Variants in ME2 observed in about 807,000 individuals in gnomAD.
ME2 encodes the protein malic enzyme 2.
A neutral mutation model predicts 73.7 loss-of-function variants in ME2; 60 were observed. That is an observed-to-expected ratio of 0.81 (90% CI 0.66 to 1.01). The LOEUF (loss-of-function observed/expected upper bound fraction) is 1.01. Ranked by LOEUF, ME2 falls within the 50% of genes least tolerant of loss-of-function variation. The probability of loss-of-function intolerance (pLI) is 0.00; values close to 1 mark genes in which losing one functional copy is unlikely to be tolerated. For missense variants in ME2, 594 were observed against 705.5 expected (o/e 0.84, Z 1.79); for synonymous variants, 199 against 236.9 (o/e 0.84, Z 1.47).
At chr18:50,946,877 A>C in intron 15 of ME2, 140 bp from the exon 16 acceptor site, 1 of 680,602 alleles carries the variant, frequency 1.5e-6, no homozygotes, top group East Asian at 2.6e-5. Context: ...TTTTGAAAGG[A>C]GTCAAAGCAA....
chr18:50,920,788 G>A, intron 9 of ME2, 30 bp downstream of exon 9: 1 of 1,483,740 alleles, frequency 6.7e-7, no homozygotes, highest in Non-Finnish European at 9.3e-7. Flanking sequence ...TGAAACTTAA[G>A]CCTATCCTCT....
intron 15 of ME2, among the ~76,000 whole-genome samples, chr18:50,942,372 A>G (rs1382996336): frequency 6.6e-5 from 10 of 152,150 alleles, no homozygotes; most frequent in Non-Finnish European, 1.5e-5. Flanking sequence ...TGTAACATTT[A>G]GTACTTTATC....
intron 3 of ME2, among the ~76,000 whole-genome samples, chr18:50,910,268 CAAA>C (rs74176794): frequency 8.5e-5 from 3 of 35,276 alleles, no homozygotes; most frequent in East Asian, 1.0e-3. Flanking sequence ...CCTGTTTCTA[CAAA>C]AAAAAAAAAA....
At chr18:50,902,182 A>G (rs982852778) in intron 2 of ME2, among the ~76,000 whole-genome samples, 1 of 152,166 alleles carries the variant, frequency 6.6e-6, no homozygotes, top group Non-Finnish European at 1.5e-5. Context: ...TAACTCCTTT[A>G]TTTTGTAGAT....
intron 1 of ME2, among the ~76,000 whole-genome samples, chr18:50,882,336 C>G (rs537208863): frequency 1.3e-5 from 2 of 152,198 alleles, no homozygotes; most frequent in Non-Finnish European, 2.9e-5. Context: ...CCTTTGACCA[C>G]TCTGCTAGAC....
chr18:50,926,080 C>T (rs1384603484), intron 12 of ME2, among the ~76,000 whole-genome samples, 182 bp downstream of exon 12: 1 of 152,092 alleles, frequency 6.6e-6, no homozygotes, highest in Non-Finnish European at 1.5e-5. Flanking sequence ...CTTTATAACT[C>T]CACTGTAATG....
At chr18:50,901,064 T>C (rs1208564735) in intron 2 of ME2, among the ~76,000 whole-genome samples, 2 of 152,208 alleles carry the variant, frequency 1.3e-5, no homozygotes, top group Non-Finnish European at 2.9e-5. Flanking sequence ...ATGTGAATAA[T>C]TGTGGATTTG....
At chr18:50,880,050 C>A (rs1042915370) in intron 1 of ME2, among the ~76,000 whole-genome samples, 1 of 152,208 alleles carries the variant, frequency 6.6e-6, no homozygotes, top group South Asian at 2.1e-4. Flanking sequence ...TGTGGATTTA[C>A]CTTCCTGATG....
chr18:50,916,164 G>A lies in ME2; in HGVS notation c.393-4G>A, dbSNP rs1330789217. 6 of 1,604,434 alleles carry A rather than the reference G, an allele frequency of 3.7e-6. No homozygotes were observed. Among genetic ancestry groups the A allele is most frequent in the Non-Finnish European group, 5.1e-6 (6 of 1,175,320 alleles). On this transcript the variant is annotated splice_polypyrimidine_tract_variant and splice_region_variant and intron_variant, in intron 4 of 15. Coordinates refer to ENST00000321341, the MANE Select transcript of ME2 (RefSeq NM_002396.5). ...AATGCAAAGGTGTTTTTGTTCTGTT[G>A]CAGGGGATTATTTATTTCGATCTCA...
rs1918108833 is a variant in ME2, at chr18:50,947,316, T to C, written c.*132T>C. On this transcript the variant is annotated 3_prime_UTR_variant, in exon 16 of 16. Transcript: ENST00000321341. ...TGACCACTTTGGTTGATGTATTTTT[T>C]CCATGCGTCTCCACATCTGTTGGGG... is the stretch of plus-strand genomic sequence containing the variant. 1 of 796,122 alleles carries C rather than the reference T, an allele frequency of 1.3e-6. No homozygotes were observed. Among genetic ancestry groups the C allele is most frequent in the African/African-American group, 1.7e-5 (1 of 57,622 alleles). The allele number at this position is 796,122 out of a possible 1,614,324, so 49.3% of individuals were successfully genotyped here.
chr18:50,914,196 T>C (rs1435267537), intron 4 of ME2, among the ~76,000 whole-genome samples: 1 of 152,222 alleles, frequency 6.6e-6, no homozygotes, highest in Non-Finnish European at 1.5e-5. Context: ...GTGTTGCAGG[T>C]GTTCCCTGGA....
chr18:50,885,571 TG>T (rs1486700442), intron 1 of ME2, among the ~76,000 whole-genome samples: 1 of 152,060 alleles, frequency 6.6e-6, no homozygotes, highest in Non-Finnish European at 1.5e-5. Context: ...AAAATTTAAA[TG>T]GTTTTTTTTC....
intron 2 of ME2, among the ~76,000 whole-genome samples, chr18:50,898,819 C>T (rs1348317770): frequency 6.6e-6 from 1 of 152,332 alleles, no homozygotes; most frequent in East Asian, 1.9e-4. Context: ...TTACCATTTA[C>T]TAGCCATGAA....
intron 2 of ME2, among the ~76,000 whole-genome samples, chr18:50,899,616 A>G (rs964830521): frequency 1.3e-5 from 2 of 152,170 alleles, no homozygotes; most frequent in Non-Finnish European, 2.9e-5. Context: ...TGTCTCAAAA[A>G]AAATTGTCTT....
chr18:50,896,957 C>T (rs950282345), intron 2 of ME2, among the ~76,000 whole-genome samples: 1 of 152,194 alleles, frequency 6.6e-6, no homozygotes, highest in Non-Finnish European at 1.5e-5. Context: ...TTGTGCCTGA[C>T]CTCTCCAAAT....
In ME2 at chr18:50,949,755, ATATAGCC is replaced by A. The variant is rs1233869114; in HGVS notation, c.*2573_*2579del. 1.3e-5 allele frequency: 2 copies of A among 152,248 alleles called. No homozygotes were observed. The highest frequency in any genetic ancestry group is 4.8e-5 in the African/African-American group (2 of 41,470). The allele number at this position is 152,248 out of a possible 1,614,324, so 9.4% of individuals were successfully genotyped here. A position where few individuals can be genotyped will look rare whatever the true frequency, so the allele number is the denominator to read the frequency against. ...TAAGGAAAAAAATAGGCTAAATGGC[ATATAGCC>A]TGCTTAAATAAAATAATTCTATTTT... is the stretch of plus-strand genomic sequence containing the variant. On this transcript the variant is annotated 3_prime_UTR_variant, in exon 16 of 16. Coordinates refer to ENST00000321341, the MANE Select transcript of ME2 (RefSeq NM_002396.5).
At chr18:50,895,414 C>G (rs1237686967) in intron 1 of ME2, among the ~76,000 whole-genome samples, 1 of 152,144 alleles carries the variant, frequency 6.6e-6, no homozygotes, top group Non-Finnish European at 1.5e-5. Flanking sequence ...TCCTCTGTGT[C>G]TCTGCTTTCT....
intron 3 of ME2, among the ~76,000 whole-genome samples, chr18:50,911,446 C>T (rs1917153705): frequency 6.6e-6 from 1 of 152,120 alleles, no homozygotes; most frequent in African/African-American, 2.4e-5. Context: ...GTGATCATTT[C>T]TAACTTATGG....
chr18:50,916,159 C>G lies in ME2; in HGVS notation c.393-9C>G. ...TGTGAAATGCAAAGGTGTTTTTGTT[C>G]TGTTGCAGGGGATTATTTATTTCGA... On this transcript the variant is annotated splice_polypyrimidine_tract_variant and intron_variant, in intron 4 of 15. Transcript: ENST00000321341. 1 of 1,595,122 alleles carries G rather than the reference C, an allele frequency of 6.3e-7. No homozygotes were observed. Among genetic ancestry groups the G allele is most frequent in the Non-Finnish European group, 8.5e-7 (1 of 1,170,808 alleles).
Sources: allele counts gnomAD v4.1 joint callset (sites outside exome capture counted in the v4.1 genomes callset), GRCh38; gene constraint gnomAD v4.1.1; transcripts MANE v1.5; gene names NCBI Gene and HGNC (gene_info 2026-07-23, HGNC 2026-07-21).